Variants in ABR observed in about 807,000 individuals in gnomAD.
ABR encodes active breakpoint cluster region-related protein.
A neutral mutation model predicts 107.2 loss-of-function variants in ABR; 35 were observed. The ratio of observed to expected loss-of-function variants is 0.33; its 90% CI spans 0.25 to 0.43. The LOEUF (loss-of-function observed/expected upper bound fraction) is 0.43. Among genes scored for constraint, ABR ranks in the 20% least tolerant of loss-of-function variants. The pLI, the probability that ABR is intolerant of heterozygous loss-of-function variation, is 1.00. For synonymous variants in ABR, 498 were observed against 462.0 expected (o/e 1.08, Z -1.00); for missense variants, 815 against 1,115.2 (o/e 0.73, Z 3.83).
intron 10 of ABR, among the ~76,000 whole-genome samples, chr17:1,066,701 G>A (rs2034777873): frequency 1.3e-5 from 2 of 151,952 alleles, no homozygotes. Context: ...GCTAATTTTT[G>A]TACTTTTAGT....
intron 16 of ABR, among the ~76,000 whole-genome samples, chr17:1,025,478 G>T (rs920895022): frequency 9.2e-5 from 14 of 152,114 alleles, no homozygotes; most frequent in African/African-American, 3.4e-4. Flanking sequence ...GCTTCCCACT[G>T]CATTCGGATT....
chr17:1,078,209 T>C lies in ABR; in HGVS notation c.700+1121A>G, dbSNP rs1038641146. ...CCTTCCACAGTTGAGGGCCCAGACC[T>C]CGGCTGGGGGTCTCTCACGGCTGGA... is the stretch of plus-strand genomic sequence containing the variant. On this transcript the variant is annotated intron_variant, in intron 6 of 22. Coordinates refer to ENST00000302538, the MANE Select transcript of ABR (RefSeq NM_021962.5). The surrounding 1 kb of genome is among the most constrained non-coding windows in gnomAD (Gnocchi z 7.5). Among the ~76,000 whole-genome samples the C allele has an allele frequency of 2.0e-5, 3 of 152,002 alleles. No homozygotes were observed. In the South Asian group the frequency reaches 6.2e-4, roughly 31 times the overall value.
rs12937045 is a variant in ABR at position 1,071,076 on chromosome 17, T to A, written c.895-986A>T. 6.6e-6 allele frequency among the ~76,000 whole-genome samples: 1 copy of A among 151,970 alleles called. No individual in the cohort carries two copies. Among genetic ancestry groups the A allele is most frequent in the East Asian group, 1.9e-4 (1 of 5,170 alleles). The stretch of plus-strand genomic sequence containing the variant: ...TACTTGGGAGGATGAGGCAGGAGAA[T>A]TGCTTGAACCCAGAGGGTGGAGGCT... On this transcript the variant is annotated intron_variant, in intron 8 of 22. Coordinates refer to ENST00000302538, the MANE Select transcript of ABR (RefSeq NM_021962.5). This position sits in a 1 kb window ranked among gnomAD's most constrained non-coding sequence, Gnocchi z 5.1.
At chr17:1,013,451 A>AC (rs2070832297) in intron 16 of ABR, among the ~76,000 whole-genome samples, 1 of 145,724 alleles carries the variant, frequency 6.9e-6, no homozygotes. Flanking sequence ...TCTGTTACCC[A>AC]CCGTGGGGGA....
chr17:1,026,580 C>T lies in ABR; in HGVS notation c.1792-13416G>A, dbSNP rs551257770. Among the ~76,000 whole-genome samples the T allele has an allele frequency of 1.9e-4, 29 of 152,264 alleles. No individual in the cohort carries two copies. In the South Asian group the frequency reaches 6.0e-3, roughly 32 times the overall value. The stretch of plus-strand genomic sequence containing the variant: ...AGAAGCCCAGGACCAGCTCCACGGG[C>T]CCCTCCCGCCTCTCCAGGGCCCATC... On this transcript the variant is annotated intron_variant, in intron 16 of 22. Transcript: ENST00000302538.
chr17:1,006,093 GAGA>G lies in ABR; in HGVS notation c.2564_2566del (p.Phe855del). The G allele has an allele frequency of 6.4e-7, 1 of 1,573,222 alleles. No individual in the cohort carries two copies. Among genetic ancestry groups the G allele is most frequent in the Non-Finnish European group, 8.6e-7 (1 of 1,159,026 alleles). On this transcript the variant is annotated inframe_deletion, in exon 23 of 23. Transcript: ENST00000302538. Reference sequence around the variant, plus strand: ...CCCTGCCTCGGGCTACACGTCGGTGGAGAAGTACAGTGTGTTCCGCTTGAGTTC... The same window carrying G: ...CCCTGCCTCGGGCTACACGTCGGTGGAGTACAGTGTGTTCCGCTTGAGTTC...
chr17:1,172,319 G>A (rs2041746037), intron 1 of ABR, among the ~76,000 whole-genome samples: 1 of 152,180 alleles, frequency 6.6e-6, no homozygotes, highest in Non-Finnish European at 1.5e-5. Context: ...CCTGCCTATT[G>A]GCCTGATTTC....
intron 1 of ABR, among the ~76,000 whole-genome samples, chr17:1,142,441 C>T (rs961860587): frequency 1.3e-5 from 2 of 151,968 alleles, no homozygotes; most frequent in African/African-American, 4.8e-5. Context: ...AAAAATTAGC[C>T]GGGTATGGTG....
At chr17:1,208,428 A>G (rs969124664) in intron 1 of ABR, among the ~76,000 whole-genome samples, 1 of 152,200 alleles carries the variant, frequency 6.6e-6, no homozygotes, top group Non-Finnish European at 1.5e-5. Flanking sequence ...TTCCCACACC[A>G]TCACTGCATG....
At chr17:1,223,234 C>T (rs1315598112) in intron 1 of ABR, among the ~76,000 whole-genome samples, 11 of 150,244 alleles carry the variant, frequency 7.3e-5, no homozygotes, top group Admixed American at 6.0e-4. Context: ...ATTAGCCGGG[C>T]TTGGTGGCGG....
rs543242490 is a variant in ABR at position 1,084,321 on chromosome 17, G to A, written c.532-694C>T. The stretch of plus-strand genomic sequence containing the variant: ...GAACCCAAGAGGTGGAGGCTGCAGT[G>A]AACCAAGATCGTGTCACTGCACTCC... On this transcript the variant is annotated intron_variant, in intron 4 of 22. Coordinates refer to ENST00000302538, the MANE Select transcript of ABR (RefSeq NM_021962.5). This position sits in a 1 kb window ranked among gnomAD's most constrained non-coding sequence, Gnocchi z 4.2. Among the ~76,000 whole-genome samples the A allele has an allele frequency of 5.9e-5, 9 of 152,362 alleles. No homozygotes were observed. The highest frequency in any genetic ancestry group is 1.0e-4 in the Non-Finnish European group (7 of 68,034).
In ABR at chr17:1,070,450, G is replaced by A. The variant is rs1036137886; in HGVS notation, c.895-360C>T. Reference sequence around the variant, plus strand: ...GTGTGCAACGCACGGGGCTCTCCGCGGCTAACCCTGGAGCCCCCTGCCCGG... The same window carrying A: ...GTGTGCAACGCACGGGGCTCTCCGCAGCTAACCCTGGAGCCCCCTGCCCGG... On this transcript the variant is annotated intron_variant, in intron 8 of 22. Coordinates refer to ENST00000302538, the MANE Select transcript of ABR (RefSeq NM_021962.5). The surrounding 1 kb of genome is among the most constrained non-coding windows in gnomAD (Gnocchi z 4.2). Among the ~76,000 whole-genome samples, 4 of 152,162 alleles carry A rather than the reference G, an allele frequency of 2.6e-5. No individual in the cohort carries two copies. Among genetic ancestry groups the A allele is most frequent in the Non-Finnish European group, 4.4e-5 (3 of 68,036 alleles).
At chr17:1,104,245 G>A (rs540140571) in intron 2 of ABR, among the ~76,000 whole-genome samples, 3 of 152,324 alleles carry the variant, frequency 2.0e-5, no homozygotes, top group African/African-American at 7.2e-5. Flanking sequence ...TAGGCTGACA[G>A]TGTGGCAGCT....
chr17:1,061,070 A>T (rs899657026), intron 10 of ABR, among the ~76,000 whole-genome samples: 9 of 152,194 alleles, frequency 5.9e-5, no homozygotes, highest in African/African-American at 2.2e-4. Flanking sequence ...GTGCCTCTCC[A>T]GTGACTCACA....
At chr17:1,021,601 C>T (rs1348961463) in intron 16 of ABR, among the ~76,000 whole-genome samples, 4 of 150,268 alleles carry the variant, frequency 2.7e-5, no homozygotes, top group Non-Finnish European at 4.4e-5. Context: ...GTCAGGAGAT[C>T]GAGACCAACC....
rs1177879536 is a variant in ABR, at chr17:1,179,475, G to A, written c.61+192C>T. On this transcript the variant is annotated intron_variant, in intron 1 of 22. Transcript: ENST00000302538. This position sits in a 1 kb window ranked among gnomAD's most constrained non-coding sequence, Gnocchi z 4.9. The stretch of plus-strand genomic sequence containing the variant: ...CAGACCAGCCCGGCTCCTGGGTCCC[G>A]ACCCCGATCCCGATTCCCAACCCGA... Among the ~76,000 whole-genome samples, 1 of 150,776 alleles carries A rather than the reference G, an allele frequency of 6.6e-6. No homozygotes were observed. The highest frequency in any genetic ancestry group is 2.4e-5 in the African/African-American group (1 of 41,026).
intron 16 of ABR, among the ~76,000 whole-genome samples, chr17:1,016,317 CT>C (rs151002591): frequency 0.15 from 19,997 of 134,674 alleles, 1,038 homozygotes; most frequent in Middle Eastern, 0.22. Context: ...CCCAACGTTT[CT>C]TTTTTTTTTT....
chr17:1,058,894 TC>T, intron 10 of ABR, 27 bp from the exon 11 acceptor site: 1 of 1,613,242 alleles, frequency 6.2e-7, no homozygotes, highest in African/African-American at 1.3e-5. Flanking sequence ...CACAGAGGGT[TC>T]CCCTCACACT....
chr17:1,115,863 G>C (rs1414064285), intron 2 of ABR, among the ~76,000 whole-genome samples: 2 of 151,656 alleles, frequency 1.3e-5, no homozygotes, highest in Non-Finnish European at 2.9e-5. Context: ...GGAGGCGGAA[G>C]CTGCAGTGAG....
Sources: gnomAD v4.1 joint callset for allele counts (sites outside exome capture counted in the v4.1 genomes callset) on GRCh38, gnomAD v4.1.1 for gene constraint, Gnocchi (gnomAD v3.1) non-coding constraint, MANE v1.5 for transcripts, NCBI Gene and HGNC (gene_info 2026-07-23, HGNC 2026-07-21) for gene names.